Variants in WNT4 observed in about 807,000 individuals in gnomAD.
The protein encoded by WNT4 is Wnt family member 4.
WNT4 carries 16 observed loss-of-function variants against 34.5 expected under a neutral mutation model. The observed-to-expected ratio is 0.46, with a 90% CI of 0.31 to 0.70. WNT4 has a LOEUF of 0.70. WNT4 is among the 30% of genes least tolerant of loss of function. WNT4 has a pLI of 0.04. For synonymous variants in WNT4, 200 were observed against 211.9 expected (o/e 0.94, Z 0.49); for missense variants, 379 against 495.9 (o/e 0.76, Z 2.24).
rs755511040 is a variant in WNT4, at chr1:22,120,067, A to G, written c.1039T>C (p.Leu347=). Residue 347 remains leucine (L), a synonymous_variant, in exon 5 of 5, where the codon TTG becomes CTG. Transcript: ENST00000290167. ...GCAGGCGGTCATCGGCACGTGTGCA[A>G]CTCCACGAGCCGCTGGCACTGCCGG... ...KCRQCQRLVE[L]HTCR 11 of 1,608,550 alleles carry G rather than the reference A, an allele frequency of 6.8e-6. No homozygotes were observed. In the South Asian group the frequency reaches 1.2e-4, roughly 18 times the overall value.
intron 2 of WNT4, among the ~76,000 whole-genome samples, chr1:22,126,485 TCTC>T (rs1645941269): frequency 6.6e-6 from 1 of 152,156 alleles, no homozygotes; most frequent in Non-Finnish European, 1.5e-5. Flanking sequence ...GCTTGCCAAG[TCTC>T]CTTTCTCAGC....
At position 22,130,966 on chromosome 1, in the gene WNT4, CAGAA is replaced by C. The variant is rs1363069247; in HGVS notation, c.78-1119_78-1116del. 6.6e-5 allele frequency among the ~76,000 whole-genome samples: 10 copies of C among 152,354 alleles called. 1 individual carries two copies. The South Asian group carries it at 1.7e-3, about 25-fold the overall frequency. On this transcript the variant is annotated intron_variant, in intron 1 of 4. Transcript: ENST00000290167. ...TTTACATTATTGCGTTTAATCCTCT[CAGAA>C]AGCCAACCAGCTGCCATTTAAAAGA...
chr1:22,124,508 C>T (rs1452564889), intron 2 of WNT4, among the ~76,000 whole-genome samples: 1 of 152,192 alleles, frequency 6.6e-6, no homozygotes, highest in Non-Finnish European at 1.5e-5. Flanking sequence ...AATCCACTAA[C>T]AGCCACTCTT....
At chr1:22,131,395 A>C (rs538812864) in intron 1 of WNT4, among the ~76,000 whole-genome samples, 11 of 152,172 alleles carry the variant, frequency 7.2e-5, no homozygotes, top group African/African-American at 2.4e-4. Flanking sequence ...TGGGCCTCTG[A>C]GGTTAATTGA....
intron 1 of WNT4, among the ~76,000 whole-genome samples, chr1:22,130,133 C>T (rs1180257472): frequency 6.6e-6 from 1 of 152,188 alleles, no homozygotes; most frequent in Non-Finnish European, 1.5e-5. Context: ...GGATCCCTCC[C>T]TGCCCTGGCA....
chr1:22,120,658 A>G, intron 4 of WNT4, 141 bp from the exon 5 acceptor site: 1 of 796,678 alleles, frequency 1.3e-6, no homozygotes, highest in Non-Finnish European at 2.0e-6. Flanking sequence ...CCTCTTAGGA[A>G]TTACGCGGTA....
chr1:22,140,635 A>T lies in WNT4; in HGVS notation c.77+2211T>A, dbSNP rs1646059109. Among the ~76,000 whole-genome samples, 1 of 152,190 alleles carries T rather than the reference A, an allele frequency of 6.6e-6. No homozygotes were observed. The highest frequency in any genetic ancestry group is 6.5e-5 in the Admixed American group (1 of 15,284). On this transcript the variant is annotated intron_variant, in intron 1 of 4. Coordinates refer to ENST00000290167, the MANE Select transcript of WNT4 (RefSeq NM_030761.5). This position sits in a 1 kb window ranked among gnomAD's most constrained non-coding sequence, Gnocchi z 5.9. ...TCCTGGCCAGCTGATTGTTCGACAG[A>T]GGTTGATAAATATTGGACCAACCTT... is the stretch of plus-strand genomic sequence containing the variant.
intron 2 of WNT4, among the ~76,000 whole-genome samples, chr1:22,121,801 G>C (rs1645900996): frequency 6.6e-6 from 1 of 152,214 alleles, no homozygotes; most frequent in Admixed American, 6.5e-5. Flanking sequence ...CAAACGTGCA[G>C]ATGCTGTCAT....
At chr1:22,135,804 C>T (rs1646017342) in intron 1 of WNT4, among the ~76,000 whole-genome samples, 1 of 152,128 alleles carries the variant, frequency 6.6e-6, no homozygotes, top group Non-Finnish European at 1.5e-5. Flanking sequence ...TCCTCTTGGC[C>T]TCAGGTGCAT....
intron 2 of WNT4, among the ~76,000 whole-genome samples, chr1:22,122,543 G>C (rs568246103): frequency 6.6e-6 from 1 of 152,170 alleles, no homozygotes; most frequent in Non-Finnish European, 1.5e-5. Context: ...GTGTGAGCTG[G>C]AGTATGCATG....
rs1215767738 is a variant in WNT4, at chr1:22,120,225, C to T, written c.881G>A (p.Arg294His). 2 of 1,614,076 alleles carry T rather than the reference C, an allele frequency of 1.2e-6. No individual in the cohort carries two copies. The highest frequency in any genetic ancestry group is 1.7e-6 in the Non-Finnish European group (2 of 1,180,016). Reference protein sequence around the residue: ...MRSGVLGTRGRTCNKTSKAID... With the variant: ...MRSGVLGTRGHTCNKTSKAID... ...GGCCTTGGACGTCTTGTTGCATGTGCGGCCCCTCGTGCCCAGCACGCCGCT... is the reference window on the plus strand; with the variant it reads ...GGCCTTGGACGTCTTGTTGCATGTGTGGCCCCTCGTGCCCAGCACGCCGCT... The change falls in exon 5 of 5, where the codon CGC becomes CAC. Residue 294 changes from arginine to histidine, a missense_variant. Physicochemically the swap from Arg to His is conservative, Grantham distance 29 (BLOSUM62 0). This residue lies in a region of WNT4 where 313 missense variants were observed against 445.8 expected (regional missense o/e 0.70). Coordinates refer to ENST00000290167, the MANE Select transcript of WNT4 (RefSeq NM_030761.5).
rs1173875297 is a variant in WNT4 at position 22,143,048 on chromosome 1, TGCCG to T, written c.-130_-127del. ...CGGCGGGGCTCTGCCTCCGTGTGCC[TGCCG>T]GCAGCCTGCCCGCTGCTGCGCCCGC... On this transcript the variant is annotated 5_prime_UTR_variant, in exon 1 of 5. Coordinates refer to ENST00000290167, the MANE Select transcript of WNT4 (RefSeq NM_030761.5). The T allele has an allele frequency of 3.6e-6, 1 of 278,206 alleles. No individual in the cohort carries two copies. The highest frequency in any genetic ancestry group is 1.9e-4 in the East Asian group (1 of 5,192). 17.2% of individuals were successfully genotyped at this position (278,206 alleles called of 1,614,324 possible). A position where few individuals can be genotyped will look rare whatever the true frequency, so the allele number is the denominator to read the frequency against.
In WNT4 at chr1:22,134,270, C is replaced by T. The variant is rs1646005237; in HGVS notation, c.78-4419G>A. On this transcript the variant is annotated intron_variant, in intron 1 of 4. Coordinates refer to ENST00000290167, the MANE Select transcript of WNT4 (RefSeq NM_030761.5). This position sits in a 1 kb window ranked among gnomAD's most constrained non-coding sequence, Gnocchi z 4.1. ...AGGCCAAGTGGGTGGGAGGGGGAGC[C>T]GGAAGAAAACGGAGTGGCTGCTGAA... 2.0e-5 allele frequency among the ~76,000 whole-genome samples: 3 copies of T among 152,050 alleles called. No homozygotes were observed. Among genetic ancestry groups the T allele is most frequent in the African/African-American group, 4.8e-5 (2 of 41,400 alleles).
intron 4 of WNT4, among the ~76,000 whole-genome samples, 185 bp from the exon 5 acceptor site, chr1:22,120,702 G>A (rs754570359): frequency 1.3e-5 from 2 of 152,212 alleles, no homozygotes; most frequent in African/African-American, 4.8e-5. Context: ...ACAGGTGAAC[G>A]AGGTACTGTC....
Position 22,140,340 on chromosome 1 carries a change from C to T in WNT4, c.77+2506G>A, listed in dbSNP as rs1646056547. On this transcript the variant is annotated intron_variant, in intron 1 of 4. Transcript: ENST00000290167. The surrounding 1 kb of genome is among the most constrained non-coding windows in gnomAD (Gnocchi z 5.9). ...CTTGGGCAGTTACCTCTGCGATCCC[C>T]AATCTTCTCATCTGTAACGGGATTG... is the stretch of plus-strand genomic sequence containing the variant. 3.5e-6 allele frequency: 3 copies of T among 866,720 alleles called. 1 individual carries two copies. The allele number at this position is 866,720 out of a possible 1,614,324, so 53.7% of individuals were successfully genotyped here. A position where few individuals can be genotyped will look rare whatever the true frequency, so the allele number is the denominator to read the frequency against.
chr1:22,140,642 T>C lies in WNT4; in HGVS notation c.77+2204A>G, dbSNP rs532720888. 2.0e-5 allele frequency among the ~76,000 whole-genome samples: 3 copies of C among 152,180 alleles called. No individual in the cohort carries two copies. The highest frequency in any genetic ancestry group is 2.9e-5 in the Non-Finnish European group (2 of 68,032). ...CAGCTGATTGTTCGACAGAGGTTGATAAATATTGGACCAACCTTGGTATGT... is the reference window on the plus strand; with the variant it reads ...CAGCTGATTGTTCGACAGAGGTTGACAAATATTGGACCAACCTTGGTATGT... On this transcript the variant is annotated intron_variant, in intron 1 of 4. Coordinates refer to ENST00000290167, the MANE Select transcript of WNT4 (RefSeq NM_030761.5). The surrounding 1 kb of genome is among the most constrained non-coding windows in gnomAD (Gnocchi z 5.9).
chr1:22,121,271 G>C lies in WNT4; in HGVS notation c.528C>G (p.Ser176Arg), dbSNP rs775497845. 1 of 1,614,152 alleles carries C rather than the reference G, an allele frequency of 6.2e-7. No individual in the cohort carries two copies. Among genetic ancestry groups the C allele is most frequent in the South Asian group, 1.1e-5 (1 of 91,076 alleles). The part of the protein sequence containing the change: ...SQSFVDVRER[S>R]KGASSSRALM... ...GGGCTCTGCTGGACGAGGCCCCCTT[G>C]CTTCTCTCCCGCACATCCACAAACG... is the stretch of plus-strand genomic sequence containing the variant. Residue 176 changes from serine (S) to arginine (R), a missense_variant, in exon 4 of 5, where the codon AGC becomes AGG. Ser to Arg is a moderately radical substitution (Grantham distance 110, BLOSUM62 -1). Around this residue, in one of 2 missense-constraint regions of WNT4, gnomAD observed 313 missense variants for 445.8 expected, o/e 0.70. Transcript: ENST00000290167.
intron 2 of WNT4, chr1:22,127,533 G>T (rs562543881): frequency 2.6e-5 from 13 of 506,894 alleles, no homozygotes; most frequent in South Asian, 1.9e-4. Context: ...AAGGGCCCGA[G>T]TCCTAGTGAT....
At chr1:22,129,175 A>G (rs1645962889) in intron 2 of WNT4, among the ~76,000 whole-genome samples, 1 of 152,126 alleles carries the variant, frequency 6.6e-6, no homozygotes, top group Admixed American at 6.5e-5. Context: ...CAGATACTGG[A>G]GGCCAAGTGC....
Sources: allele counts gnomAD v4.1 joint callset (sites outside exome capture counted in the v4.1 genomes callset), GRCh38; gene constraint gnomAD v4.1.1; regional missense constraint gnomAD v4.1.1; non-coding constraint Gnocchi (gnomAD v3.1); transcripts MANE v1.5; gene names NCBI Gene and HGNC (gene_info 2026-07-23, HGNC 2026-07-21).